The following SH3GL3 variants were observed in gnomAD, a reference collection of about 807,000 sequenced individuals.
SH3GL3 encodes endophilin-A3.
A neutral mutation model predicts 47.7 loss-of-function variants in SH3GL3; 33 were observed. The ratio of observed to expected loss-of-function variants is 0.69; its 90% CI spans 0.52 to 0.92. The LOEUF (loss-of-function observed/expected upper bound fraction) is 0.92. Ranked by LOEUF, SH3GL3 falls within the 40% of genes least tolerant of loss-of-function variation. SH3GL3 has a pLI of 0.00. For synonymous variants in SH3GL3, 155 were observed against 148.8 expected, an observed-to-expected ratio of 1.04 and a Z score of -0.30; for missense variants, 363 against 417.8, an observed-to-expected ratio of 0.87 and a Z score of 1.14.
At position 83,576,144 on chromosome 15, in the gene SH3GL3, GA is replaced by G. The variant is rs549477845; in HGVS notation, c.466-437del. 4.0e-3 allele frequency among the ~76,000 whole-genome samples: 608 copies of G among 152,260 alleles called. 5 individuals carry two copies. Among genetic ancestry groups the G allele is most frequent in the African/African-American group, 0.014 (588 of 41,542 alleles). ...TCCGTTAATATTCTAAGGGATTGTA[GA>G]AGTTTGTGATTTTATAGTCTACTAC... On this transcript the variant is annotated intron_variant, in intron 5 of 8. Coordinates refer to ENST00000427482, the MANE Select transcript of SH3GL3 (RefSeq NM_003027.5).
At chr15:83,449,733 G>A (rs926391311) in intron 1 of SH3GL3, among the ~76,000 whole-genome samples, 4 of 117,386 alleles carry the variant, frequency 3.4e-5, no homozygotes, top group Non-Finnish European at 6.9e-5. Flanking sequence ...TTTTTTTTTC[G>A]CATGAGCGGA....
chr15:83,601,723 G>A (rs151147901), intron 8 of SH3GL3, among the ~76,000 whole-genome samples: 1 of 152,040 alleles, frequency 6.6e-6, no homozygotes, highest in East Asian at 1.9e-4. Context: ...AATGATTTAG[G>A]GAGGATTCCC....
At chr15:83,566,927 A>T (rs531823768) in intron 3 of SH3GL3, among the ~76,000 whole-genome samples, 87 of 152,340 alleles carry the variant, frequency 5.7e-4, no homozygotes, top group Middle Eastern at 3.4e-3. Context: ...CATTTTAACA[A>T]GATCCTTGGG....
At chr15:83,533,721 TGGAGTGTA>T (rs965127380) in intron 1 of SH3GL3, among the ~76,000 whole-genome samples, 1 of 152,054 alleles carries the variant, frequency 6.6e-6, no homozygotes, top group Non-Finnish European at 1.5e-5. Context: ...CCTCTGGGTT[TGGAGTGTA>T]GGATGAAAGG....
chr15:83,473,839 G>A (rs1486400668), intron 1 of SH3GL3, among the ~76,000 whole-genome samples: 1 of 149,100 alleles, frequency 6.7e-6, no homozygotes, highest in Non-Finnish European at 1.5e-5. Context: ...GAGCCACCGC[G>A]CCCGGCCTGT....
chr15:83,457,044 T>A (rs2040024467), intron 1 of SH3GL3, among the ~76,000 whole-genome samples: 1 of 152,262 alleles, frequency 6.6e-6, no homozygotes, highest in Non-Finnish European at 1.5e-5. Flanking sequence ...GTGTTACCAC[T>A]CACTGATTTG....
intron 8 of SH3GL3, among the ~76,000 whole-genome samples, chr15:83,593,430 A>G (rs930646303): frequency 2.0e-4 from 31 of 152,186 alleles, no homozygotes; most frequent in Admixed American, 1.3e-4. Context: ...TTTTTCATCA[A>G]TCTCTAAGTA....
At chr15:83,621,939 T>A (rs1352010429), downstream of SH3GL3, among the ~76,000 whole-genome samples, 1 of 152,018 alleles carries the variant, frequency 6.6e-6, no homozygotes, top group African/African-American at 2.4e-5. Flanking sequence ...CCACGGTACA[T>A]CACTAAATTC....
intron 8 of SH3GL3, among the ~76,000 whole-genome samples, chr15:83,616,957 A>G (rs1463990566): frequency 6.6e-6 from 1 of 152,218 alleles, no homozygotes; most frequent in African/African-American, 2.4e-5. Flanking sequence ...TAAAATTGAA[A>G]GATATTCACC....
At chr15:83,539,132 C>T (rs758327891) in intron 1 of SH3GL3, among the ~76,000 whole-genome samples, 2 of 152,148 alleles carry the variant, frequency 1.3e-5, no homozygotes, top group Non-Finnish European at 2.9e-5. Flanking sequence ...AAAACATTTT[C>T]TTATGCTTAT....
At chr15:83,466,919 T>G (rs886749616) in intron 1 of SH3GL3, among the ~76,000 whole-genome samples, 1 of 152,242 alleles carries the variant, frequency 6.6e-6, no homozygotes, top group African/African-American at 2.4e-5. Context: ...TGTTGAGTTG[T>G]GAATTCTTTA....
At chr15:83,501,509 T>A (rs2042292071) in intron 1 of SH3GL3, among the ~76,000 whole-genome samples, 1 of 152,200 alleles carries the variant, frequency 6.6e-6, no homozygotes, top group South Asian at 2.1e-4. Flanking sequence ...GAACAGACAC[T>A]GAAAGGTCAA....
intron 1 of SH3GL3, among the ~76,000 whole-genome samples, chr15:83,512,415 TAGGGTGAGA>T (rs1168051181): frequency 6.6e-6 from 1 of 152,212 alleles, no homozygotes; most frequent in Admixed American, 6.5e-5. Flanking sequence ...AAACTACTCC[TAGGGTGAGA>T]AGTCTCTTAA....
chr15:83,569,851 A>G (rs1029788573), intron 4 of SH3GL3, among the ~76,000 whole-genome samples: 8 of 152,080 alleles, frequency 5.3e-5, no homozygotes, highest in African/African-American at 1.9e-4. Flanking sequence ...TTGCATCAGG[A>G]GGTCCATTTT....
chr15:83,536,384 C>CTTTTT (rs756914969), intron 1 of SH3GL3, among the ~76,000 whole-genome samples: 1 of 102,986 alleles, frequency 9.7e-6, no homozygotes, highest in Admixed American at 1.1e-4. Flanking sequence ...CTGCCTTTTT[C>CTTTTT]TTTTTCTTTT....
the SH3GL3 span, among the ~76,000 whole-genome samples, chr15:83,626,757 A>C: frequency 1.3e-5 from 2 of 152,182 alleles, no homozygotes; most frequent in African/African-American, 4.8e-5. Flanking sequence ...AGCATGTGGC[A>C]CTTGTCTCTT....
At chr15:83,470,355 G>T (rs1323560337) in intron 1 of SH3GL3, among the ~76,000 whole-genome samples, 1 of 152,116 alleles carries the variant, frequency 6.6e-6, no homozygotes, top group East Asian at 1.9e-4. Context: ...CTCCCAAGTA[G>T]CTGGGATTAC....
At chr15:83,571,416 C>T (rs2045811605) in intron 4 of SH3GL3, among the ~76,000 whole-genome samples, 1 of 152,114 alleles carries the variant, frequency 6.6e-6, no homozygotes, top group African/African-American at 2.4e-5. Flanking sequence ...ATTTCGTCTT[C>T]ATTTAGGAAT....
intron 1 of SH3GL3, among the ~76,000 whole-genome samples, chr15:83,551,827 A>G (rs1226820274): frequency 2.6e-5 from 4 of 152,160 alleles, no homozygotes; most frequent in Non-Finnish European, 5.9e-5. Flanking sequence ...CCACTCTAGT[A>G]TTATTTAGTA....
Sources: allele counts gnomAD v4.1 joint callset (sites outside exome capture counted in the v4.1 genomes callset), GRCh38; gene constraint gnomAD v4.1.1; transcripts MANE v1.5; gene names NCBI Gene and HGNC (gene_info 2026-07-23, HGNC 2026-07-21).